Variants in PRKCE observed in about 807,000 individuals in gnomAD.
The protein encoded by PRKCE is protein kinase C epsilon, also known as protein kinase C epsilon type.
In PRKCE, 16 loss-of-function variants were observed where a neutral mutation model predicts 85.4. The ratio of observed to expected loss-of-function variants is 0.19; its 90% CI spans 0.13 to 0.28. The LOEUF (loss-of-function observed/expected upper bound fraction) is 0.28. PRKCE is among the 10% of genes least tolerant of loss of function. The pLI, the probability that PRKCE is intolerant of heterozygous loss-of-function variation, is 1.00. For missense variants in PRKCE, 573 were observed against 975.2 expected, an observed-to-expected ratio of 0.59 and a Z score of 5.49; for synonymous variants, 388 against 371.5, an observed-to-expected ratio of 1.04 and a Z score of -0.51.
At chr2:46,120,692 C>G (rs956772160) in intron 11 of PRKCE, among the ~76,000 whole-genome samples, 3 of 152,266 alleles carry the variant, frequency 2.0e-5, no homozygotes, top group African/African-American at 7.2e-5. Flanking sequence ...AGGGGAGAGA[C>G]TTCCATTTGT....
intron 1 of PRKCE, among the ~76,000 whole-genome samples, chr2:45,760,970 A>G (rs190114010): frequency 6.6e-6 from 1 of 152,236 alleles, no homozygotes; most frequent in East Asian, 1.9e-4. Flanking sequence ...GCATTAGAGC[A>G]CCTGCTCTTG....
intron 11 of PRKCE, among the ~76,000 whole-genome samples, chr2:46,142,601 T>A (rs1675655445): frequency 6.6e-6 from 1 of 152,252 alleles, no homozygotes; most frequent in Non-Finnish European, 1.5e-5. Context: ...AGCTGCTGCA[T>A]GCTGCCTGCA....
chr2:45,917,752 C>G (rs956146148), intron 2 of PRKCE, among the ~76,000 whole-genome samples: 2 of 152,294 alleles, frequency 1.3e-5, no homozygotes, highest in East Asian at 3.9e-4. Flanking sequence ...TCCGGCCGCA[C>G]GGGAGCTCAC....
At chr2:45,855,331 C>G (rs1246993152) in intron 2 of PRKCE, among the ~76,000 whole-genome samples, 1 of 152,164 alleles carries the variant, frequency 6.6e-6, no homozygotes, top group African/African-American at 2.4e-5. Context: ...TGGATCTTAG[C>G]AGGTATTTAC....
chr2:45,999,613 A>G (rs1330371111), intron 6 of PRKCE, among the ~76,000 whole-genome samples: 2 of 152,010 alleles, frequency 1.3e-5, no homozygotes, highest in African/African-American at 4.8e-5. Context: ...GTGTTCTTCA[A>G]GCTTCCTGGA....
intron 14 of PRKCE, among the ~76,000 whole-genome samples, chr2:46,162,324 G>A (rs1224723808): frequency 6.6e-6 from 1 of 152,192 alleles, no homozygotes; most frequent in African/African-American, 2.4e-5. Flanking sequence ...CTTTTGCCTG[G>A]AGGGTCAAGG....
Position 45,786,975 on chromosome 2 carries a change from TG to T in PRKCE, c.349-56023del, listed in dbSNP as rs1686647921. On this transcript the variant is annotated intron_variant, in intron 1 of 14. Coordinates refer to ENST00000306156, the MANE Select transcript of PRKCE (RefSeq NM_005400.3). This position sits in a 1 kb window ranked among gnomAD's most constrained non-coding sequence, Gnocchi z 5.3. ...TCGCCTGGTGAGTCACTTGAGGCTTTGGTTCAAGTCGGGATTTCCCATCGGT... is the reference window on the plus strand; with the variant it reads ...TCGCCTGGTGAGTCACTTGAGGCTTTGTTCAAGTCGGGATTTCCCATCGGT... 6.6e-6 allele frequency among the ~76,000 whole-genome samples: 1 copy of T among 152,250 alleles called. No individual in the cohort carries two copies. The highest frequency in any genetic ancestry group is 2.1e-4 in the South Asian group (1 of 4,832).
At chr2:45,994,105 T>C (rs568203553) in intron 6 of PRKCE, among the ~76,000 whole-genome samples, 2 of 152,324 alleles carry the variant, frequency 1.3e-5, no homozygotes, top group Admixed American at 1.3e-4. Flanking sequence ...GGAACAGTTT[T>C]GGTTTTTAAA....
chr2:45,933,640 AT>A (rs1215495895), intron 2 of PRKCE, among the ~76,000 whole-genome samples: 11 of 150,888 alleles, frequency 7.3e-5, no homozygotes, highest in African/African-American at 9.7e-5. Context: ...GGCACAGTTA[AT>A]TTTTTTTTGT....
At chr2:45,959,884 A>G (rs969845492) in intron 2 of PRKCE, among the ~76,000 whole-genome samples, 5 of 152,136 alleles carry the variant, frequency 3.3e-5, no homozygotes, top group African/African-American at 9.7e-5. Context: ...AGTTGTCTCT[A>G]TGAGTTTTAA....
chr2:45,721,831 C>T lies in PRKCE; in HGVS notation c.348+69383C>T, dbSNP rs77461519. 1.8e-4 allele frequency among the ~76,000 whole-genome samples: 27 copies of T among 150,842 alleles called. No homozygotes were observed. In the East Asian group the frequency reaches 4.7e-3, roughly 26 times the overall value. On this transcript the variant is annotated intron_variant, in intron 1 of 14. Transcript: ENST00000306156. ...GTTCAAAGCTGCAGTGAGCTATGAT[C>T]ATGCCACTGTGCTGCAGCTGCGGTG...
At chr2:46,182,327 G>A (rs2594495) in intron 14 of PRKCE, among the ~76,000 whole-genome samples, 22,557 of 152,078 alleles carry the variant, frequency 0.15, 2,247 homozygotes, top group African/African-American at 0.28. Context: ...CCACCCTCCC[G>A]CGTCAGTGTG....
At chr2:45,659,555 C>T (rs1675538095) in intron 1 of PRKCE, among the ~76,000 whole-genome samples, 1 of 152,186 alleles carries the variant, frequency 6.6e-6, no homozygotes, top group Admixed American at 6.5e-5. Flanking sequence ...CCAACAAAGT[C>T]AGGCCTTCTG....
At chr2:45,683,917 G>C (rs1047551529) in intron 1 of PRKCE, among the ~76,000 whole-genome samples, 1 of 152,152 alleles carries the variant, frequency 6.6e-6, no homozygotes, top group Non-Finnish European at 1.5e-5. Flanking sequence ...CATTTCTTGT[G>C]GTGGGGGACA....
intron 1 of PRKCE, among the ~76,000 whole-genome samples, chr2:45,709,776 G>A (rs569804506): frequency 6.6e-6 from 1 of 150,892 alleles, no homozygotes; most frequent in Admixed American, 6.6e-5. Context: ...TCTCCCACTG[G>A]GAGAGATGTC....
intron 1 of PRKCE, among the ~76,000 whole-genome samples, chr2:45,671,799 T>C (rs919085781): frequency 6.6e-6 from 1 of 151,966 alleles, no homozygotes; most frequent in African/African-American, 2.4e-5. Context: ...ACAGGTATGG[T>C]GGTTCACACC....
intron 11 of PRKCE, among the ~76,000 whole-genome samples, chr2:46,128,671 A>T (rs1042552610): frequency 2.0e-5 from 3 of 152,186 alleles, no homozygotes; most frequent in Admixed American, 6.5e-5. Context: ...TATGTCTTCG[A>T]TCTTTTAATC....
At chr2:45,691,928 C>A (rs1290518756) in intron 1 of PRKCE, among the ~76,000 whole-genome samples, 1 of 152,228 alleles carries the variant, frequency 6.6e-6, no homozygotes, top group African/African-American at 2.4e-5. Context: ...TCTCTGGACA[C>A]AACACACCGC....
chr2:46,157,771 A>T (rs1677359945), intron 13 of PRKCE, among the ~76,000 whole-genome samples: 1 of 152,152 alleles, frequency 6.6e-6, no homozygotes, highest in Non-Finnish European at 1.5e-5. Flanking sequence ...GGACGGGAGG[A>T]GCTGAGGAAG....
Sources: allele counts gnomAD v4.1 joint callset (sites outside exome capture counted in the v4.1 genomes callset), GRCh38; gene constraint gnomAD v4.1.1; non-coding constraint Gnocchi (gnomAD v3.1); transcripts MANE v1.5; gene names NCBI Gene and HGNC (gene_info 2026-07-23, HGNC 2026-07-21).